Variants in SUPT3H observed in about 807,000 individuals in gnomAD.
SUPT3H encodes the protein SPT3 homolog, SAGA and STAGA complex component.
In SUPT3H, 44 loss-of-function variants were observed where a neutral mutation model predicts 44.3. The ratio of observed to expected loss-of-function variants is 0.99; its 90% CI spans 0.78 to 1.28. SUPT3H has a LOEUF of 1.28. Among genes scored for constraint, SUPT3H ranks in the 50% most tolerant of loss-of-function variants. The probability of loss-of-function intolerance (pLI) is 0.00; values close to 1 mark genes in which losing one functional copy is unlikely to be tolerated. For missense variants in SUPT3H, 380 were observed against 387.1 expected (o/e 0.98, Z 0.15); for synonymous variants, 124 against 125.6 (o/e 0.99, Z 0.09).
intron 2 of SUPT3H, among the ~76,000 whole-genome samples, chr6:45,225,096 TG>T (rs1399173525): frequency 6.6e-6 from 1 of 151,742 alleles, no homozygotes; most frequent in Admixed American, 6.6e-5. Flanking sequence ...CTGACCAACA[TG>T]GTGAAATCTC....
intron 6 of SUPT3H, among the ~76,000 whole-genome samples, chr6:44,982,865 T>C (rs548628805): frequency 1.1e-4 from 16 of 152,352 alleles, no homozygotes; most frequent in African/African-American, 3.1e-4. Context: ...ACCACTACTC[T>C]GGCTTCAAAT....
rs67960187 is a variant in SUPT3H at position 45,220,040 on chromosome 6, C to CAAAAAAAAAAA, written c.102-114045_102-114035dup. On this transcript the variant is annotated intron_variant, in intron 2 of 10. Coordinates refer to ENST00000371459, the MANE Select transcript of SUPT3H (RefSeq NM_003599.4). ...GGTGACCGAGAGAGAGACTCTGTCT[C>CAAAAAAAAAAA]AAAAAAAAAAAAAAAAAAAAAAAAA... Among the ~76,000 whole-genome samples, 2 of 33,010 alleles carry CAAAAAAAAAAA rather than the reference C, an allele frequency of 6.1e-5. 1 individual carries two copies. Among genetic ancestry groups the CAAAAAAAAAAA allele is most frequent in the African/African-American group, 2.8e-4 (2 of 7,080 alleles). The allele number at this position is 33,010 out of a possible 152,430, so 21.7% of individuals were successfully genotyped here. A position where few individuals can be genotyped will look rare whatever the true frequency, so the allele number is the denominator to read the frequency against.
At chr6:44,889,514 G>C (rs951273130) in intron 10 of SUPT3H, among the ~76,000 whole-genome samples, 5 of 152,202 alleles carry the variant, frequency 3.3e-5, no homozygotes, top group African/African-American at 1.2e-4. Context: ...AATGGGGAAA[G>C]GAATCCCTAT....
intron 2 of SUPT3H, among the ~76,000 whole-genome samples, chr6:45,255,667 C>T (rs1281286456): frequency 6.6e-6 from 1 of 152,018 alleles, no homozygotes; most frequent in Non-Finnish European, 1.5e-5. Flanking sequence ...AGGTGATCCT[C>T]CCGCATCACC....
intron 10 of SUPT3H, among the ~76,000 whole-genome samples, chr6:44,879,142 C>T (rs1461343208): frequency 6.6e-6 from 1 of 152,198 alleles, no homozygotes; most frequent in Non-Finnish European, 1.5e-5. Context: ...GCAAATCCCA[C>T]CCCCATGGAG....
intron 3 of SUPT3H, among the ~76,000 whole-genome samples, chr6:45,101,503 G>T (rs1435904095): frequency 6.6e-6 from 1 of 152,210 alleles, no homozygotes; most frequent in Non-Finnish European, 1.5e-5. Flanking sequence ...GGAAAGGGAA[G>T]TGGAGAGAAA....
chr6:45,098,595 C>T, intron 3 of SUPT3H: 1 of 333,526 alleles, frequency 3.0e-6, no homozygotes, highest in Non-Finnish European at 5.8e-6. Flanking sequence ...TCCAGATGAT[C>T]CCCTTGCCAA....
At chr6:45,306,336 C>G (rs1783000256) in intron 2 of SUPT3H, among the ~76,000 whole-genome samples, 1 of 152,206 alleles carries the variant, frequency 6.6e-6, no homozygotes, top group East Asian at 1.9e-4. Context: ...CCCAACAACC[C>G]TTGCTGCCAC....
intron 6 of SUPT3H, among the ~76,000 whole-genome samples, chr6:44,996,685 G>T (rs1232999628): frequency 6.6e-6 from 1 of 151,836 alleles, no homozygotes; most frequent in Non-Finnish European, 1.5e-5. Flanking sequence ...CTCCCACAGT[G>T]TATTTGACAA....
At chr6:45,266,708 C>T (rs557793381) in intron 2 of SUPT3H, among the ~76,000 whole-genome samples, 1 of 151,934 alleles carries the variant, frequency 6.6e-6, no homozygotes, top group Non-Finnish European at 1.5e-5. Context: ...TTCAGAGACA[C>T]TATATTCAGT....
intron 4 of SUPT3H, among the ~76,000 whole-genome samples, chr6:45,015,563 T>C (rs1784122821): frequency 6.6e-6 from 1 of 152,076 alleles, no homozygotes; most frequent in Non-Finnish European, 1.5e-5. Flanking sequence ...AATTTTTCTT[T>C]CTTCAATAAT....
chr6:45,287,104 A>AG (rs1779432587), intron 2 of SUPT3H, among the ~76,000 whole-genome samples: 1 of 152,106 alleles, frequency 6.6e-6, no homozygotes, highest in East Asian at 1.9e-4. Flanking sequence ...GGGTCGGAGG[A>AG]GAGGGGAGGG....
intron 11 of SUPT3H, among the ~76,000 whole-genome samples, chr6:44,821,239 C>A (rs1484024436): frequency 6.6e-6 from 1 of 152,172 alleles, no homozygotes; most frequent in Non-Finnish European, 1.5e-5. Context: ...CTTCTAAACA[C>A]CGAGTACTCA....
At chr6:45,204,629 T>G (rs1762959000) in intron 2 of SUPT3H, among the ~76,000 whole-genome samples, 1 of 152,162 alleles carries the variant, frequency 6.6e-6, no homozygotes. Context: ...TCACATAACA[T>G]TTCATTTGGG....
rs1283068537 is a variant in SUPT3H at position 44,894,048 on chromosome 6, C to T, written c.912+38605G>A. Among the ~76,000 whole-genome samples the T allele has an allele frequency of 7.4e-3, 1,008 of 135,950 alleles. 5 individuals are homozygous for T. The highest frequency in any genetic ancestry group is 0.014 in the Middle Eastern group (4 of 282). The allele number at this position is 135,950 out of a possible 152,430, so 89.2% of individuals were successfully genotyped here. A position where few individuals can be genotyped will look rare whatever the true frequency, so the allele number is the denominator to read the frequency against. On this transcript the variant is annotated intron_variant, in intron 10 of 10. Coordinates refer to ENST00000371459, the MANE Select transcript of SUPT3H (RefSeq NM_003599.4). ...TTGAGAAGTGTCTGTTCATGTCCTT[C>T]GCCCACTTTTTGATGGGGTTGTTTG...
At chr6:44,952,227 C>A (rs148962123) in intron 9 of SUPT3H, among the ~76,000 whole-genome samples, 4 of 152,006 alleles carry the variant, frequency 2.6e-5, no homozygotes, top group African/African-American at 9.7e-5. Flanking sequence ...AAATTTAAAC[C>A]TAGGGTCCAT....
intron 2 of SUPT3H, among the ~76,000 whole-genome samples, chr6:45,262,979 C>CA (rs761348450): frequency 6.6e-6 from 1 of 151,928 alleles, no homozygotes; most frequent in African/African-American, 2.4e-5. Context: ...ATTAAAAAGT[C>CA]AAAAAATAAT....
At chr6:45,217,926 T>G (rs781377968) in intron 2 of SUPT3H, among the ~76,000 whole-genome samples, 1 of 150,300 alleles carries the variant, frequency 6.7e-6, no homozygotes, top group African/African-American at 2.5e-5. Flanking sequence ...AACATATATA[T>G]GAAGCAAGGT....
intron 3 of SUPT3H, among the ~76,000 whole-genome samples, chr6:45,087,895 C>T (rs759127535): frequency 4.0e-5 from 6 of 151,856 alleles, no homozygotes; most frequent in South Asian, 4.1e-4. Context: ...ACATAGAAGT[C>T]GCCACTAAAA....
Sources: allele counts gnomAD v4.1 joint callset (sites outside exome capture counted in the v4.1 genomes callset), GRCh38; gene constraint gnomAD v4.1.1; transcripts MANE v1.5; gene names NCBI Gene and HGNC (gene_info 2026-07-23, HGNC 2026-07-21).